The following ADHFE1 variants were observed in gnomAD, a reference collection of about 807,000 sequenced individuals.
The protein encoded by ADHFE1 is hydroxyacid-oxoacid transhydrogenase, mitochondrial.
In ADHFE1, 37 loss-of-function variants were observed where a neutral mutation model predicts 54.8. The ratio of observed to expected loss-of-function variants is 0.68; its 90% confidence interval spans 0.52 to 0.89. The LOEUF is 0.89. Among genes scored for constraint, ADHFE1 ranks in the 40% least tolerant of loss-of-function variants. The pLI is 0.00. For synonymous variants in ADHFE1, 203 were observed against 229.3 expected (o/e 0.89, Z 1.04); for missense variants, 601 against 591.2 (o/e 1.02, Z -0.17).
chr8:66,444,653 G>A lies in ADHFE1; in HGVS notation c.258G>A (p.Lys86=). The A allele has an allele frequency of 6.2e-7, 1 of 1,614,216 alleles. No individual in the cohort carries two copies. The highest frequency in any genetic ancestry group is 1.3e-5 in the African/African-American group (1 of 75,044). Reference sequence around the variant, plus strand: ...TGATGACAGACAAGAACCTCTCCAAGCTCCCTCCTGTGCAAGTAGCTATGG... The same window carrying A: ...TGATGACAGACAAGAACCTCTCCAAACTCCCTCCTGTGCAAGTAGCTATGG... ...VCLMTDKNLS[K]LPPVQVAMDS... is the part of the protein sequence containing the mutation. Residue 86 remains lysine, a synonymous_variant, in exon 5 of 14, where the codon AAG becomes AAA. Transcript: ENST00000396623.
intron 12 of ADHFE1, among the ~76,000 whole-genome samples, chr8:66,457,529 G>A (rs962365630): frequency 2.2e-4 from 33 of 151,248 alleles, no homozygotes; most frequent in South Asian, 2.1e-4. Flanking sequence ...ATATTGCTTT[G>A]CGATAGCTTA....
rs1409078578 is a variant in ADHFE1 at position 66,468,473 on chromosome 8, G to T, written c.*121G>T. 10 of 683,108 alleles carry T rather than the reference G, an allele frequency of 1.5e-5. No individual in the cohort carries two copies. The highest frequency in any genetic ancestry group is 2.3e-5 in the Non-Finnish European group (10 of 438,344). The allele number at this position is 683,108 out of a possible 1,614,324, so 42.3% of individuals were successfully genotyped here. ...ACTTACCTGTTACCAGTATAGGTGG[G>T]ATATACATTTATCTTGCAGGAAATT... On this transcript the variant is annotated 3_prime_UTR_variant, in exon 14 of 14. Coordinates refer to ENST00000396623, the MANE Select transcript of ADHFE1 (RefSeq NM_144650.3).
chr8:66,452,148 C>T, intron 9 of ADHFE1, 43 bp downstream of exon 9: 1 of 1,602,828 alleles, frequency 6.2e-7, no homozygotes. Context: ...AGGAGGCCCA[C>T]ATTCTGCCAG....
chr8:66,439,563 T>C lies in ADHFE1; in HGVS notation c.60-599T>C. The C allele has an allele frequency of 1.0e-6, 1 of 985,742 alleles. No homozygotes were observed. The highest frequency in any genetic ancestry group is 4.7e-5 in the South Asian group (1 of 21,254). The allele number at this position is 985,742 out of a possible 1,614,324, so 61.1% of individuals were successfully genotyped here. A position where few individuals can be genotyped will look rare whatever the true frequency, so the allele number is the denominator to read the frequency against. On this transcript the variant is annotated intron_variant, in intron 1 of 13. Transcript: ENST00000396623. The surrounding 1 kb of genome is among the most constrained non-coding windows in gnomAD (Gnocchi z 4.4). ...CGGGTGTGCGCGCAGCTGGGGCCTCTGGGGAGCGGCGCGGCGGGGACGGAG... is the reference window on the plus strand; with the variant it reads ...CGGGTGTGCGCGCAGCTGGGGCCTCCGGGGAGCGGCGCGGCGGGGACGGAG...
intron 12 of ADHFE1, chr8:66,459,430 A>ATATATATATATAT (rs1191407388): frequency 1.6e-5 from 2 of 126,808 alleles, no homozygotes; most frequent in African/African-American, 3.0e-5. Flanking sequence ...ATATATATAT[A>ATATATATATATAT]TTTTTTTTTT....
Position 66,439,300 on chromosome 8 carries a change from G to C in ADHFE1, c.60-862G>C, listed in dbSNP as rs1033522172. 73 of 985,478 alleles carry C rather than the reference G, an allele frequency of 7.4e-5. No homozygotes were observed. The African/African-American group carries it at 1.2e-3, about 16-fold the overall frequency. The allele number at this position is 985,478 out of a possible 1,614,324, so 61.0% of individuals were successfully genotyped here. A position where few individuals can be genotyped will look rare whatever the true frequency, so the allele number is the denominator to read the frequency against. On this transcript the variant is annotated intron_variant, in intron 1 of 13. Coordinates refer to ENST00000396623, the MANE Select transcript of ADHFE1 (RefSeq NM_144650.3). This position sits in a 1 kb window ranked among gnomAD's most constrained non-coding sequence, Gnocchi z 4.4. ...AGTATCTACCGAGACCCAACCACTG[G>C]ACAAGGTCTTCTGGGCAACCCAACG...
chr8:66,459,410 T>TTATATATATATATATA (rs757679416), intron 12 of ADHFE1: 4 of 131,556 alleles, frequency 3.0e-5, no homozygotes, highest in Admixed American at 7.8e-5. Context: ...TTAATTTTTA[T>TTATATATATATATATA]TATATATATA....
At chr8:66,443,567 C>T (rs1292686284) in intron 3 of ADHFE1, among the ~76,000 whole-genome samples, 5 of 152,210 alleles carry the variant, frequency 3.3e-5, no homozygotes, top group Admixed American at 6.5e-5. Flanking sequence ...CATAAGCCAC[C>T]GCGCCTGCCT....
At chr8:66,447,205 G>A (rs944540760) in intron 6 of ADHFE1, 59 bp from the exon 7 acceptor site, 1 of 1,468,848 alleles carries the variant, frequency 6.8e-7, no homozygotes, top group Non-Finnish European at 9.4e-7. Context: ...GGCTGAATTA[G>A]GTATCTCCAC....
intron 13 of ADHFE1, among the ~76,000 whole-genome samples, chr8:66,466,008 AG>A (rs1210182701): frequency 1.3e-5 from 2 of 151,048 alleles, no homozygotes; most frequent in Non-Finnish European, 3.0e-5. Context: ...GATGCACAAA[AG>A]TTTTAAATTT....
Position 66,468,527 on chromosome 8 carries a change from A to C in ADHFE1, c.*175A>C, listed in dbSNP as rs926217512. 2.3e-6 allele frequency: 1 copy of C among 440,974 alleles called. No individual in the cohort carries two copies. Among genetic ancestry groups the C allele is most frequent in the African/African-American group, 2.1e-5 (1 of 47,672 alleles). The allele number at this position is 440,974 out of a possible 1,614,324, so 27.3% of individuals were successfully genotyped here. A position where few individuals can be genotyped will look rare whatever the true frequency, so the allele number is the denominator to read the frequency against. ...CAAAGCTCAGAGTCCAGTTCCTTCC[A>C]TAAAACAGGCTGGACAAATGACCAC... is the stretch of plus-strand genomic sequence containing the variant. On this transcript the variant is annotated 3_prime_UTR_variant, in exon 14 of 14. Transcript: ENST00000396623.
intron 12 of ADHFE1, among the ~76,000 whole-genome samples, chr8:66,458,455 T>C (rs1258543470): frequency 6.6e-6 from 1 of 152,258 alleles, no homozygotes; most frequent in Non-Finnish European, 1.5e-5. Context: ...TGTGTCCCTT[T>C]TCTCTTTCGG....
intron 2 of ADHFE1, among the ~76,000 whole-genome samples, chr8:66,440,464 A>C (rs1317554151): frequency 1.3e-5 from 2 of 152,238 alleles, no homozygotes; most frequent in Non-Finnish European, 2.9e-5. Flanking sequence ...TGCCAAGTCT[A>C]AAAATGCACA....
At position 66,468,438 on chromosome 8, in the gene ADHFE1, T is replaced by C. The variant is rs1275576064; in HGVS notation, c.*86T>C. On this transcript the variant is annotated 3_prime_UTR_variant, in exon 14 of 14. Transcript: ENST00000396623. ...CTAGCTAGGGCTTTGTCTTTTCATCTTTGCGCATAACTTACCTGTTACCAG... is the reference window on the plus strand; with the variant it reads ...CTAGCTAGGGCTTTGTCTTTTCATCCTTGCGCATAACTTACCTGTTACCAG... The C allele has an allele frequency of 3.4e-6, 4 of 1,166,244 alleles. No individual in the cohort carries two copies. Among genetic ancestry groups the C allele is most frequent in the Non-Finnish European group, 3.6e-6 (3 of 828,602 alleles). The allele number at this position is 1,166,244 out of a possible 1,614,324, so 72.2% of individuals were successfully genotyped here.
At chr8:66,440,925 TAGAACAG>T (rs1487613796) in intron 2 of ADHFE1, among the ~76,000 whole-genome samples, 1 of 152,144 alleles carries the variant, frequency 6.6e-6, no homozygotes, top group Admixed American at 6.5e-5. Flanking sequence ...GTTGGGGAGT[TAGAACAG>T]AGAGAGTAAC....
intron 1 of ADHFE1, among the ~76,000 whole-genome samples, chr8:66,436,342 T>C (rs1480632716): frequency 6.6e-6 from 1 of 152,126 alleles, no homozygotes; most frequent in Non-Finnish European, 1.5e-5. Flanking sequence ...GAGAAGGTAA[T>C]GGTTGCGGAA....
intron 13 of ADHFE1, among the ~76,000 whole-genome samples, chr8:66,465,111 T>C (rs1807099107): frequency 6.6e-6 from 1 of 152,232 alleles, no homozygotes. Context: ...GGTTATGCAT[T>C]TACCTATTGA....
At chr8:66,460,571 G>C (rs1356490071) in intron 13 of ADHFE1, 106 bp downstream of exon 13, 1 of 1,378,910 alleles carries the variant, frequency 7.3e-7, no homozygotes, top group Non-Finnish European at 9.7e-7. Context: ...AGGGCTCCCC[G>C]GTGGTTCTCG....
At position 66,435,601 on chromosome 8, in the gene ADHFE1, A is replaced by ATT. The variant is rs533571994; in HGVS notation, c.59+3054_59+3055dup. ...TCCAGAATAATCTCCTCATTTCAAG[A>ATT]TTTTTTTTTTTTTTTTTTTTTTTTT... On this transcript the variant is annotated intron_variant, in intron 1 of 13. Coordinates refer to ENST00000396623, the MANE Select transcript of ADHFE1 (RefSeq NM_144650.3). Among the ~76,000 whole-genome samples the ATT allele has an allele frequency of 1.5e-3, 117 of 78,294 alleles. 2 individuals are homozygous for ATT. The highest frequency in any genetic ancestry group is 1.8e-3 in the Non-Finnish European group (79 of 44,876). 51.4% of individuals were successfully genotyped at this position (78,294 alleles called of 152,430 possible).
Sources: gnomAD v4.1 joint callset for allele counts (sites outside exome capture counted in the v4.1 genomes callset) on GRCh38, gnomAD v4.1.1 for gene constraint, Gnocchi (gnomAD v3.1) non-coding constraint, MANE v1.5 for transcripts, NCBI Gene and HGNC (gene_info 2026-07-23, HGNC 2026-07-21) for gene names.